JUP: variants seen among roughly 807,000 people sequenced by gnomAD.
JUP encodes catenin (cadherin-associated protein), gamma 80kDa.
Under a neutral mutation model 71.1 loss-of-function variants are expected in JUP, and 28 were observed. The ratio of observed to expected loss-of-function variants is 0.39; its 90% CI spans 0.29 to 0.54. JUP has a LOEUF of 0.54. Ranked by LOEUF, JUP falls within the 20% of genes least tolerant of loss-of-function variation. The pLI is 0.62. For synonymous variants in JUP, 401 were observed against 438.9 expected, an observed-to-expected ratio of 0.91 and a Z score of 1.08; for missense variants, 869 against 1,030.1, an observed-to-expected ratio of 0.84 and a Z score of 2.14.
rs1326496308 is a variant in JUP at position 41,759,366 on chromosome 17, C to T, written c.1498-496G>A. Among the ~76,000 whole-genome samples the T allele has an allele frequency of 2.6e-5, 4 of 152,070 alleles. No homozygotes were observed. The East Asian group carries it at 5.8e-4, about 22-fold the overall frequency. ...CTGGGATTACAGGTGTGGGCTACCACGTCCGGCTGCTCATGGCTAATTCTA... is the reference window on the plus strand; with the variant it reads ...CTGGGATTACAGGTGTGGGCTACCATGTCCGGCTGCTCATGGCTAATTCTA... On this transcript the variant is annotated intron_variant, in intron 8 of 13. Coordinates refer to ENST00000393931, the MANE Select transcript of JUP (RefSeq NM_002230.4).
At chr17:41,761,501 C>G (rs957617978) in intron 8 of JUP, among the ~76,000 whole-genome samples, 1 of 152,042 alleles carries the variant, frequency 6.6e-6, no homozygotes, top group South Asian at 2.1e-4. Flanking sequence ...TGGAGCAGCA[C>G]CTGCGAGCTT....
At chr17:41,765,826 T>C (rs191181197) in intron 5 of JUP, among the ~76,000 whole-genome samples, 1 of 152,348 alleles carries the variant, frequency 6.6e-6, no homozygotes. Flanking sequence ...AGCCTAGAAG[T>C]GTTAAAAATT....
At position 41,755,716 on chromosome 17, in the gene JUP, A is replaced by G. The variant is rs1913583455; in HGVS notation, c.*28T>C. ...TCTAGAGAGGAGGAAAAGCCTGCAA[A>G]GAGGGGGCCGTACTGGGGCCAGGCC... On this transcript the variant is annotated 3_prime_UTR_variant, in exon 14 of 14. Transcript: ENST00000393931. The G allele has an allele frequency of 6.5e-7, 1 of 1,532,568 alleles. No homozygotes were observed. Among genetic ancestry groups the G allele is most frequent in the Non-Finnish European group, 8.8e-7 (1 of 1,138,044 alleles). 94.9% of individuals were successfully genotyped at this position (1,532,568 alleles called of 1,614,324 possible). A position where few individuals can be genotyped will look rare whatever the true frequency, so the allele number is the denominator to read the frequency against.
intron 5 of JUP, among the ~76,000 whole-genome samples, chr17:41,765,751 T>C (rs1915619342): frequency 6.6e-6 from 1 of 152,192 alleles, no homozygotes; most frequent in African/African-American, 2.4e-5. Context: ...TGCACACCCA[T>C]TACCAGTTAT....
At chr17:41,786,435 C>G (rs1464754974) in intron 1 of JUP, 153 bp downstream of exon 1, 3 of 152,226 alleles carry the variant, frequency 2.0e-5, no homozygotes, top group East Asian at 3.9e-4. Flanking sequence ...CCCAAGTCGC[C>G]GCGCCCAGGA....
In JUP at chr17:41,767,483, C is replaced by A; in HGVS notation, c.805G>T (p.Gly269Trp). ...GAKMAVRLAD[G>W]LQKMVPLLNK... Reference sequence around the variant, plus strand: ...AGCAGGGGCACCATCTTTTGCAGCCCGTCGGCCAGGCGCACGGCCATCTTG... The same window carrying A: ...AGCAGGGGCACCATCTTTTGCAGCCAGTCGGCCAGGCGCACGGCCATCTTG... Residue 269 changes from glycine (G) to tryptophan (W), a missense_variant, in exon 5 of 14, where the codon GGG becomes TGG. By Grantham distance (184) the Gly-to-Trp change is radical (BLOSUM62 -2). Transcript: ENST00000393931. 1 of 1,612,924 alleles carries A rather than the reference C, an allele frequency of 6.2e-7. No individual in the cohort carries two copies. Among genetic ancestry groups the A allele is most frequent in the Non-Finnish European group, 8.5e-7 (1 of 1,179,404 alleles).
chr17:41,763,295 A>C lies in JUP; in HGVS notation c.1185T>G (p.Ile395Met). 6.2e-7 allele frequency: 1 copy of C among 1,614,156 alleles called. No individual in the cohort carries two copies. Among genetic ancestry groups the C allele is most frequent in the Non-Finnish European group, 8.5e-7 (1 of 1,180,024 alleles). ...KQEGLESVLK[I>M]LVNQLSVDDV... ...CATCCACACTCAGCTGATTCACCAG[A>C]ATCTTCAGCACACTCTCCAGGCCCT... Residue 395 changes from isoleucine (I) to methionine (M), a missense_variant, in exon 8 of 14, where the codon ATT (isoleucine) becomes ATG (methionine). Physicochemically the swap from Ile to Met is conservative, Grantham distance 10. Transcript: ENST00000393931.
At position 41,771,904 on chromosome 17, in the gene JUP, T is replaced by C. The variant is rs1555607219; in HGVS notation, c.-8-42A>G. ...GGAAGTCAGGAAGCAGGAAGTCACC[T>C]GGCCCAGCCCCCAGCTTCAGCCCGT... On this transcript the variant is annotated intron_variant, in intron 1 of 13. Transcript: ENST00000393931. The C allele has an allele frequency of 3.3e-6, 5 of 1,517,358 alleles. No individual in the cohort carries two copies. The South Asian group carries it at 3.6e-5, about 11-fold the overall frequency. 94.0% of individuals were successfully genotyped at this position (1,517,358 alleles called of 1,614,324 possible). A position where few individuals can be genotyped will look rare whatever the true frequency, so the allele number is the denominator to read the frequency against.
Position 41,755,774 on chromosome 17 carries a change from C to A in JUP, c.2208G>T (p.Pro736=), listed in dbSNP as rs371508357. Residue 736 remains proline (P), a synonymous_variant, in exon 14 of 14, where the codon CCG becomes CCT. Transcript: ENST00000393931. ...CCAGCATGTGGTCTGCAGTGGGGTA[C>A]GGGGGCCTGAGGCCGTCGCTGTAGG... ...IDTYSDGLRP[P]YPTADHMLA 2 of 1,608,416 alleles carry A rather than the reference C, an allele frequency of 1.2e-6. No individual in the cohort carries two copies. Among genetic ancestry groups the A allele is most frequent in the African/African-American group, 2.7e-5 (2 of 74,964 alleles).
chr17:41,770,861 T>TC (rs1916539512), intron 2 of JUP, among the ~76,000 whole-genome samples: 1 of 152,294 alleles, frequency 6.6e-6, no homozygotes, highest in African/African-American at 2.4e-5. Context: ...CGAGGGGCCC[T>TC]CAGGCTTGAC....
At chr17:41,771,037 T>C (rs1916567965) in intron 2 of JUP, among the ~76,000 whole-genome samples, 2 of 152,220 alleles carry the variant, frequency 1.3e-5, no homozygotes, top group Non-Finnish European at 2.9e-5. Context: ...CTCTTTTTTT[T>C]ACTATTTTTT....
chr17:41,782,576 T>TTA (rs1264347882), intron 1 of JUP, among the ~76,000 whole-genome samples: 38 of 152,046 alleles, frequency 2.5e-4, no homozygotes, highest in African/African-American at 8.9e-4. Context: ...GACCCCTGCC[T>TTA]CCTCTTTCCC....
At chr17:41,766,191 G>A (rs1597812087) in intron 5 of JUP, among the ~76,000 whole-genome samples, 1 of 152,036 alleles carries the variant, frequency 6.6e-6, no homozygotes, top group Non-Finnish European at 1.5e-5. Flanking sequence ...GTTTGAGGAT[G>A]CAGTGAGCTA....
chr17:41,756,327 C>A, intron 12 of JUP, 113 bp from the exon 13 acceptor site: 6 of 1,068,886 alleles, frequency 5.6e-6, no homozygotes, highest in Non-Finnish European at 8.5e-6. Context: ...AGGCTGGGTG[C>A]CATGGCTCAC....
In JUP at chr17:41,755,636, A is replaced by G. The variant is rs1360950179; in HGVS notation, c.*108T>C. 4.3e-6 allele frequency: 5 copies of G among 1,149,568 alleles called. No individual in the cohort carries two copies. Among genetic ancestry groups the G allele is most frequent in the Non-Finnish European group, 6.0e-6 (5 of 835,922 alleles). The allele number at this position is 1,149,568 out of a possible 1,614,324, so 71.2% of individuals were successfully genotyped here. A position where few individuals can be genotyped will look rare whatever the true frequency, so the allele number is the denominator to read the frequency against. Reference sequence around the variant, plus strand: ...AGCTCAGCAGCAAAGGATCCCCCCAAAAAAGGAGCGCAGGTTTCAGCGGGG... The same window carrying G: ...AGCTCAGCAGCAAAGGATCCCCCCAGAAAAGGAGCGCAGGTTTCAGCGGGG... On this transcript the variant is annotated 3_prime_UTR_variant, in exon 14 of 14. Coordinates refer to ENST00000393931, the MANE Select transcript of JUP (RefSeq NM_002230.4).
chr17:41,758,636 C>A, intron 9 of JUP, 79 bp downstream of exon 9: 1 of 1,579,168 alleles, frequency 6.3e-7, no homozygotes, highest in Middle Eastern at 1.7e-4. Context: ...TGCAACTGAC[C>A]TCCCCATTCA....
intron 10 of JUP, 108 bp from the exon 11 acceptor site, chr17:41,757,892 TG>T (rs1914126817): frequency 2.1e-6 from 2 of 942,842 alleles, no homozygotes; most frequent in Non-Finnish European, 3.2e-6. Flanking sequence ...AATTCCATAG[TG>T]GAAAATGGGC....
Position 41,756,697 on chromosome 17 carries a change from C to T in JUP, c.2047-483G>A, listed in dbSNP as rs1011576989. Among the ~76,000 whole-genome samples the T allele has an allele frequency of 2.6e-5, 4 of 152,094 alleles. No individual in the cohort carries two copies. In the East Asian group the frequency reaches 7.7e-4, roughly 29 times the overall value. On this transcript the variant is annotated intron_variant, in intron 12 of 13. Transcript: ENST00000393931. ...GCGGATCACAAGGTCAGGAGACAATCGAGATCATCCTGGCCAACATGGCGA... is the reference window on the plus strand; with the variant it reads ...GCGGATCACAAGGTCAGGAGACAATTGAGATCATCCTGGCCAACATGGCGA...
Position 41,757,744 on chromosome 17 carries a change from G to C in JUP, c.1814C>G (p.Ala605Gly), listed in dbSNP as rs954113545. 6.2e-7 allele frequency: 1 copy of C among 1,612,398 alleles called. No homozygotes were observed. Among genetic ancestry groups the C allele is most frequent in the Non-Finnish European group, 8.5e-7 (1 of 1,179,126 alleles). The part of the protein sequence containing the change: ...SSVENIQRVA[A>G]GVLCELAQDK... ...CTGGGCCAGCTCACACAGCACCCCG[G>C]CAGCCACGCGCTGGATGTTCTCCAC... The change falls in exon 11 of 14, where the codon GCC becomes GGC. Residue 605 changes from alanine (A) to glycine (G), a missense_variant. Transcript: ENST00000393931.
Sources: gnomAD v4.1 joint callset for allele counts (sites outside exome capture counted in the v4.1 genomes callset) on GRCh38, gnomAD v4.1.1 for gene constraint, MANE v1.5 for transcripts, NCBI Gene and HGNC (gene_info 2026-07-23, HGNC 2026-07-21) for gene names.